Variants in ARB2A observed in about 807,000 individuals in gnomAD.
The protein encoded by ARB2A is cotranscriptional regulator ARB2A.
At chr5:93,858,923 C>A in the ARB2A span, among the ~76,000 whole-genome samples, 1 of 151,964 alleles carries the variant, frequency 6.6e-6, no homozygotes, top group Non-Finnish European at 1.5e-5. Context: ...TATAATAGAG[C>A]TAAAATTCTA....
chr5:93,717,540 C>G, the ARB2A span, among the ~76,000 whole-genome samples: 1 of 148,828 alleles, frequency 6.7e-6, no homozygotes, highest in Non-Finnish European at 1.5e-5. Context: ...AATACACATA[C>G]GCAGAGGAAT....
the ARB2A span, among the ~76,000 whole-genome samples, chr5:93,694,128 C>G: frequency 6.6e-6 from 1 of 152,118 alleles, no homozygotes; most frequent in Non-Finnish European, 1.5e-5. Flanking sequence ...AAAACCGCCA[C>G]AAGACAAGGA....
the ARB2A span, among the ~76,000 whole-genome samples, chr5:93,968,713 G>A: frequency 6.6e-6 from 1 of 151,988 alleles, no homozygotes; most frequent in Non-Finnish European, 1.5e-5. Flanking sequence ...TCCAGGAAGT[G>A]CAGACAGCAT....
At chr5:93,720,547 G>A in the ARB2A span, among the ~76,000 whole-genome samples, 4 of 152,202 alleles carry the variant, frequency 2.6e-5, no homozygotes, top group East Asian at 7.7e-4. Flanking sequence ...CACCAACTGT[G>A]CCAAATAATT....
chr5:93,951,536 G>A, the ARB2A span, among the ~76,000 whole-genome samples: 13,947 of 152,166 alleles, frequency 0.092, 807 homozygotes, highest in Middle Eastern at 0.15. Flanking sequence ...TCATTCTTCT[G>A]CATATGGATA....
At chr5:93,702,285 G>C in the ARB2A span, among the ~76,000 whole-genome samples, 2 of 152,138 alleles carry the variant, frequency 1.3e-5, no homozygotes, top group African/African-American at 4.8e-5. Flanking sequence ...TATGTATGAA[G>C]AGACTAAGGT....
chr5:94,110,715 C>A, the ARB2A span, among the ~76,000 whole-genome samples: 1 of 152,062 alleles, frequency 6.6e-6, no homozygotes, highest in African/African-American at 2.4e-5. Flanking sequence ...TTAATGCAAA[C>A]GATGTCATGT....
the ARB2A span, among the ~76,000 whole-genome samples, chr5:93,833,010 T>C: frequency 6.6e-6 from 1 of 152,204 alleles, no homozygotes; most frequent in South Asian, 2.1e-4. Context: ...TGTATTATCA[T>C]GCCTATGTTT....
the ARB2A span, among the ~76,000 whole-genome samples, chr5:94,080,765 G>C: frequency 6.6e-6 from 1 of 152,190 alleles, no homozygotes; most frequent in African/African-American, 2.4e-5. Flanking sequence ...TTGAGGTTTT[G>C]CCAGGTCTCC....
At chr5:93,833,248 C>G in the ARB2A span, among the ~76,000 whole-genome samples, 2 of 151,744 alleles carry the variant, frequency 1.3e-5, no homozygotes, top group African/African-American at 4.8e-5. Context: ...CAATAATTAA[C>G]AATGCTAGTG....
chr5:93,853,589 TG>T, the ARB2A span, among the ~76,000 whole-genome samples: 1 of 152,156 alleles, frequency 6.6e-6, no homozygotes, highest in Admixed American at 6.5e-5. Context: ...ATATTGGCTG[TG>T]GGTTTGTCAT....
chr5:94,080,010 G>C, the ARB2A span, among the ~76,000 whole-genome samples: 6 of 151,974 alleles, frequency 3.9e-5, no homozygotes, highest in East Asian at 1.2e-3. Context: ...TAAAACTTAA[G>C]AAATTAAACA....
chr5:93,792,960 G>C, the ARB2A span, among the ~76,000 whole-genome samples: 2 of 151,970 alleles, frequency 1.3e-5, no homozygotes, highest in African/African-American at 2.4e-5. Flanking sequence ...AAGTACACAG[G>C]TTGGTAGCTG....
the ARB2A span, among the ~76,000 whole-genome samples, chr5:93,676,239 A>G: frequency 6.6e-6 from 1 of 152,160 alleles, no homozygotes; most frequent in Admixed American, 6.5e-5. Context: ...AGAAAAAAAA[A>G]ATGCTGTGTG....
At chr5:94,074,301 A>C in the ARB2A span, among the ~76,000 whole-genome samples, 1 of 152,140 alleles carries the variant, frequency 6.6e-6, no homozygotes, top group Non-Finnish European at 1.5e-5. Context: ...AAACAGACAG[A>C]TCATTACCCT....
At chr5:93,903,670 A>C in the ARB2A span, among the ~76,000 whole-genome samples, 147 of 151,892 alleles carry the variant, frequency 9.7e-4, no homozygotes, top group African/African-American at 3.5e-3. Context: ...ACAAGTGAAC[A>C]AATCAACCAT....
At chr5:93,709,430 C>T in the ARB2A span, among the ~76,000 whole-genome samples, 7 of 151,562 alleles carry the variant, frequency 4.6e-5, no homozygotes, top group Non-Finnish European at 7.4e-5. Flanking sequence ...GTCAGGAGTT[C>T]GAGACAAGCC....
chr5:93,982,981 A>C, the ARB2A span, among the ~76,000 whole-genome samples: 1 of 152,218 alleles, frequency 6.6e-6, no homozygotes, highest in African/African-American at 2.4e-5. Context: ...GCTTGAACTC[A>C]GGAGGCAGAG....
chr5:93,794,624 G>A, the ARB2A span, among the ~76,000 whole-genome samples: 1 of 152,160 alleles, frequency 6.6e-6, no homozygotes, highest in Non-Finnish European at 1.5e-5. Context: ...TTGATGTGGT[G>A]TTCTCCCGCT....
Sources: gnomAD v4.1 joint callset for allele counts (sites outside exome capture counted in the v4.1 genomes callset) on GRCh38, gnomAD v4.1.1 for gene constraint, MANE v1.5 for transcripts, NCBI Gene and HGNC (gene_info 2026-07-23, HGNC 2026-07-21) for gene names.